Variants in FMO4 observed in about 807,000 individuals in gnomAD.
FMO4 encodes the protein flavin containing dimethylaniline monoxygenase 4.
A neutral mutation model predicts 43.3 loss-of-function variants in FMO4; 38 were observed. The observed-to-expected ratio is 0.88, with a 90% CI of 0.68 to 1.15. FMO4 has a LOEUF of 1.15. Among genes scored for constraint, FMO4 ranks in the 50% most tolerant of loss-of-function variants. FMO4 has a pLI of 0.00. For synonymous variants in FMO4, 224 were observed against 232.2 expected (o/e 0.96, Z 0.32); for missense variants, 631 against 663.3 (o/e 0.95, Z 0.54).
rs1483928943 is a variant in FMO4, at chr1:171,341,744, C to T, written c.1582C>T (p.Leu528=). The T allele has an allele frequency of 1.2e-6, 2 of 1,613,770 alleles. No homozygotes were observed. Among genetic ancestry groups the T allele is most frequent in the Non-Finnish European group, 8.5e-7 (1 of 1,179,856 alleles). Reference sequence around the variant, plus strand: ...GGCACCTGTCCTACTTGCCTCTCTTCTACTTATCTGTAAATCTTCACTTTT... The same window carrying T: ...GGCACCTGTCCTACTTGCCTCTCTTTTACTTATCTGTAAATCTTCACTTTT... The part of the protein sequence containing the change: ...WGAPVLLASL[L]LICKSSLFLK... Residue 528 remains leucine, a synonymous_variant, in exon 10 of 10, where the codon CTA becomes TTA. Coordinates refer to ENST00000367749, the MANE Select transcript of FMO4 (RefSeq NM_002022.3).
At chr1:171,332,164 G>A (rs12044691) in intron 6 of FMO4, among the ~76,000 whole-genome samples, 34,296 of 151,978 alleles carry the variant, frequency 0.23, 4,368 homozygotes, top group East Asian at 0.47. Flanking sequence ...GAATAGAAAG[G>A]TCATTTTCTT....
chr1:171,321,677 A>AT (rs5778697), intron 3 of FMO4, among the ~76,000 whole-genome samples: 2,804 of 150,696 alleles, frequency 0.019, 47 homozygotes, highest in Non-Finnish European at 0.026. Context: ...CAGCTGTACT[A>AT]TTTTTTTTTT....
intron 9 of FMO4, among the ~76,000 whole-genome samples, chr1:171,340,564 T>C (rs1264007334): frequency 2.0e-5 from 3 of 152,236 alleles, no homozygotes; most frequent in African/African-American, 7.2e-5. Context: ...AAAAGCATGA[T>C]GGGAAAATAT....
In FMO4 at chr1:171,324,202, C is replaced by A; in HGVS notation, c.386C>A (p.Thr129Lys). The change falls in exon 5 of 10, where the codon ACA becomes AAA. Residue 129 changes from threonine (T) to lysine (K), a missense_variant. Thr to Lys is a moderately conservative substitution (Grantham distance 78). Coordinates refer to ENST00000367749, the MANE Select transcript of FMO4 (RefSeq NM_002022.3). ...GAAACTGGTCAGTGGGATGTTGTCA[C>A]AGAGACAGAGGGCAAGCAAAATAGA... is the stretch of plus-strand genomic sequence containing the variant. ...FSETGQWDVV[T>K]ETEGKQNRAV... is the part of the protein sequence containing the mutation. 6.2e-7 allele frequency: 1 copy of A among 1,613,792 alleles called. No homozygotes were observed.
chr1:171,337,011 A>G (rs1019672494), intron 8 of FMO4, among the ~76,000 whole-genome samples: 2 of 151,998 alleles, frequency 1.3e-5, no homozygotes, highest in Non-Finnish European at 2.9e-5. Context: ...GTATACATAC[A>G]ATATAATATA....
At position 171,341,464 on chromosome 1, in the gene FMO4, G is replaced by A. The variant is rs768434431; in HGVS notation, c.1302G>A (p.Met434Ile). ...SKDKFDYIAY[M>I]DDIAACIGTK... ...ACAAATTTGACTACATTGCCTACAT[G>A]GATGATATCGCTGCCTGCATAGGCA... The change falls in exon 10 of 10, where the codon ATG (methionine) becomes ATA (isoleucine). Residue 434 changes from methionine (M) to isoleucine (I), a missense_variant. Met to Ile is a conservative substitution (Grantham distance 10, BLOSUM62 1). Transcript: ENST00000367749. The A allele has an allele frequency of 5.6e-6, 9 of 1,613,882 alleles. No individual in the cohort carries two copies. Among genetic ancestry groups the A allele is most frequent in the Non-Finnish European group, 5.9e-6 (7 of 1,179,900 alleles).
chr1:171,319,308 C>T (rs1662313809), intron 2 of FMO4, among the ~76,000 whole-genome samples: 1 of 152,198 alleles, frequency 6.6e-6, no homozygotes, highest in Admixed American at 6.5e-5. Context: ...TATTCAAACA[C>T]TCCTTCTCTT....
At chr1:171,327,244 T>C (rs755561171) in intron 5 of FMO4, among the ~76,000 whole-genome samples, 35 of 152,200 alleles carry the variant, frequency 2.3e-4, no homozygotes, top group Admixed American at 3.9e-4. Context: ...AATTCTTAAT[T>C]TAAGAAAATC....
chr1:171,316,135 T>G (rs1044578647), intron 1 of FMO4, 51 bp from the exon 2 acceptor site: 4 of 152,186 alleles, frequency 2.6e-5, no homozygotes, highest in African/African-American at 9.7e-5. Flanking sequence ...AGTATATTTT[T>G]CACTTTGGCA....
intron 7 of FMO4, 186 bp downstream of exon 7, chr1:171,333,094 G>A (rs1050189689): frequency 6.5e-6 from 3 of 461,442 alleles, no homozygotes; most frequent in African/African-American, 4.0e-5. Flanking sequence ...TCTCTTTCTG[G>A]TGGCAAAAGT....
Position 171,341,688 on chromosome 1 carries a change from C to A in FMO4, c.1526C>A (p.Ala509Asp). The A allele has an allele frequency of 1.2e-6, 2 of 1,613,932 alleles. No individual in the cohort carries two copies. The highest frequency in any genetic ancestry group is 1.7e-6 in the Non-Finnish European group (2 of 1,179,992). Residue 509 changes from alanine to aspartate, a missense_variant, in exon 10 of 10, where the codon GCC becomes GAC. Coordinates refer to ENST00000367749, the MANE Select transcript of FMO4 (RefSeq NM_002022.3). ...TRIVPDSSKP[A>D]SMSHYLKAWG... ...ATTGTCCCTGATTCCTCCAAGCCTG[C>A]CTCCATGTCACATTATTTAAAAGCC...
chr1:171,333,204 G>GT (rs1184581779), intron 7 of FMO4: 1 of 264,232 alleles, frequency 3.8e-6, no homozygotes, highest in Non-Finnish European at 7.3e-6. Flanking sequence ...TGTTGTTGGG[G>GT]TTTTTTTGTG....
At chr1:171,326,746 C>T (rs927401674) in intron 5 of FMO4, among the ~76,000 whole-genome samples, 2 of 152,154 alleles carry the variant, frequency 1.3e-5, no homozygotes, top group African/African-American at 4.8e-5. Context: ...TAGCAAGTGT[C>T]TTCAAGAGGC....
Position 171,341,935 on chromosome 1 carries a change from C to A in FMO4, c.*96C>A. On this transcript the variant is annotated 3_prime_UTR_variant, in exon 10 of 10. Transcript: ENST00000367749. ...TGCTCTCCATCATAACTGCTATTAG[C>A]CAAATTCAGGCCCAGTCATCTCCTA... 1.1e-6 allele frequency: 1 copy of A among 919,056 alleles called. No individual in the cohort carries two copies. Among genetic ancestry groups the A allele is most frequent in the Non-Finnish European group, 1.6e-6 (1 of 612,858 alleles). The allele number at this position is 919,056 out of a possible 1,614,324, so 56.9% of individuals were successfully genotyped here. A position where few individuals can be genotyped will look rare whatever the true frequency, so the allele number is the denominator to read the frequency against.
chr1:171,315,526 T>G (rs1662163628), intron 1 of FMO4, among the ~76,000 whole-genome samples: 1 of 152,152 alleles, frequency 6.6e-6, no homozygotes, highest in Non-Finnish European at 1.5e-5. Context: ...TTGAACCCTC[T>G]GTTTTACAAA....
chr1:171,317,031 A>G (rs979164416), intron 2 of FMO4, among the ~76,000 whole-genome samples: 25 of 152,224 alleles, frequency 1.6e-4, no homozygotes, highest in African/African-American at 5.5e-4. Flanking sequence ...GCAAAGATGA[A>G]GGAAGAGGCT....
intron 3 of FMO4, 107 bp downstream of exon 3, chr1:171,320,064 G>C: frequency 1.7e-6 from 2 of 1,184,046 alleles, no homozygotes; most frequent in Non-Finnish European, 2.5e-6. Context: ...GTGGCTTACT[G>C]CAACGGCACA....
At chr1:171,336,298 A>G (rs1421633273) in intron 8 of FMO4, among the ~76,000 whole-genome samples, 2 of 152,098 alleles carry the variant, frequency 1.3e-5, no homozygotes, top group Non-Finnish European at 2.9e-5. Flanking sequence ...TTTACATTAT[A>G]AGAGGGAGTA....
chr1:171,317,638 T>G (rs1255991923), intron 2 of FMO4, among the ~76,000 whole-genome samples: 4 of 152,334 alleles, frequency 2.6e-5, no homozygotes, highest in African/African-American at 9.6e-5. Context: ...ATGTGTATAC[T>G]TCCTCCAGTT....
Sources: allele counts gnomAD v4.1 joint callset (sites outside exome capture counted in the v4.1 genomes callset), GRCh38; gene constraint gnomAD v4.1.1; transcripts MANE v1.5; gene names NCBI Gene and HGNC (gene_info 2026-07-23, HGNC 2026-07-21).